TOM1: variants seen among roughly 807,000 people sequenced by gnomAD.
TOM1 encodes target of Myb protein 1.
Under a neutral mutation model 61.3 loss-of-function variants are expected in TOM1, and 38 were observed. That is an observed-to-expected ratio of 0.62 (90% confidence interval 0.48 to 0.81). The LOEUF (loss-of-function observed/expected upper bound fraction) is 0.81, where lower values mean the gene tolerates loss of function less well. TOM1 is among the 40% of genes least tolerant of loss of function. TOM1 has a pLI of 0.00. For synonymous variants in TOM1, 270 were observed against 268.8 expected, an observed-to-expected ratio of 1.00 and a Z score of -0.04; for missense variants, 591 against 659.6, an observed-to-expected ratio of 0.90 and a Z score of 1.14.
At chr22:35,302,271 G>T (rs1925867023) in intron 1 of TOM1, among the ~76,000 whole-genome samples, 1 of 151,556 alleles carries the variant, frequency 6.6e-6, no homozygotes, top group South Asian at 2.1e-4. Flanking sequence ...TGACTCTCCA[G>T]GTCTGCGGTG....
chr22:35,310,209 T>G (rs768164153), intron 1 of TOM1, among the ~76,000 whole-genome samples: 1 of 152,066 alleles, frequency 6.6e-6, no homozygotes, highest in African/African-American at 2.4e-5. Context: ...AGTGGAGTGG[T>G]CACAGGTCCT....
rs1325545103 is a variant in TOM1, at chr22:35,345,385, G to A, written c.1225-340G>A. 12 of 385,496 alleles carry A rather than the reference G, an allele frequency of 3.1e-5. No individual in the cohort carries two copies. The East Asian group carries it at 5.9e-4, about 19-fold the overall frequency. 23.9% of individuals were successfully genotyped at this position (385,496 alleles called of 1,614,324 possible). A position where few individuals can be genotyped will look rare whatever the true frequency, so the allele number is the denominator to read the frequency against. On this transcript the variant is annotated intron_variant, in intron 12 of 14. Transcript: ENST00000449058. Reference sequence around the variant, plus strand: ...GATGCTCCTGAGCACCTGCAGCATAGCCCCTGCCCCAGGCCATTGCCCAAA... The same window carrying A: ...GATGCTCCTGAGCACCTGCAGCATAACCCCTGCCCCAGGCCATTGCCCAAA...
chr22:35,329,913 A>G (rs959531423), intron 7 of TOM1, among the ~76,000 whole-genome samples: 8 of 152,142 alleles, frequency 5.3e-5, no homozygotes, highest in African/African-American at 1.4e-4. Context: ...GTTCCGTGGA[A>G]CCTTGAAGTC....
chr22:35,347,353 C>A lies in TOM1; in HGVS notation c.*144C>A. On this transcript the variant is annotated 3_prime_UTR_variant, in exon 15 of 15. Coordinates refer to ENST00000449058, the MANE Select transcript of TOM1 (RefSeq NM_005488.3). ...CTCCTCTTTGAAGACGGAGCTGCCC[C>A]AGCTGTGGCTGGGGGTGTGGAGGCA... is the stretch of plus-strand genomic sequence containing the variant. 1 of 858,426 alleles carries A rather than the reference C, an allele frequency of 1.2e-6. No homozygotes were observed. The highest frequency in any genetic ancestry group is 1.7e-6 in the Non-Finnish European group (1 of 582,726). 53.2% of individuals were successfully genotyped at this position (858,426 alleles called of 1,614,324 possible).
chr22:35,330,264 A>G, intron 7 of TOM1, 83 bp from the exon 8 acceptor site: 1 of 1,431,682 alleles, frequency 7.0e-7, no homozygotes, highest in Non-Finnish European at 9.4e-7. Context: ...CCTGGGCGAC[A>G]GAGCTCCGTC....
chr22:35,322,895 G>A (rs967214134), intron 3 of TOM1, 133 bp from the exon 4 acceptor site: 1 of 1,058,406 alleles, frequency 9.4e-7, no homozygotes, highest in East Asian at 2.6e-5. Context: ...ACATTCAAGG[G>A]TCTCACTCCA....
chr22:35,346,881 G>A (rs773989875), intron 13 of TOM1, 49 bp from the exon 14 acceptor site: 171 of 1,576,920 alleles, frequency 1.1e-4, no homozygotes, highest in Non-Finnish European at 1.4e-4. Context: ...CAGGCTGACC[G>A]TACTGGGGGC....
At chr22:35,299,667 C>A, upstream of TOM1, 1 of 494,390 alleles carries the variant, frequency 2.0e-6, no homozygotes, top group Non-Finnish European at 3.6e-6. Context: ...TTAAAGAGGA[C>A]CGCGCTTCCC....
intron 11 of TOM1, among the ~76,000 whole-genome samples, chr22:35,336,964 G>A (rs569336033): frequency 9.5e-4 from 143 of 150,254 alleles, no homozygotes; most frequent in Non-Finnish European, 1.6e-3. Flanking sequence ...TTTTTGAGCC[G>A]GAGTCTCGCT....
intron 1 of TOM1, among the ~76,000 whole-genome samples, chr22:35,308,273 CTCTTTTTTTTTTTTTT>C (rs951974613): frequency 2.1e-4 from 29 of 139,476 alleles, no homozygotes; most frequent in Non-Finnish European, 2.9e-4. Context: ...AGTTCCTTTT[CTCTTTTTTTTTTTTTT>C]TCTTTTTTTT....
intron 6 of TOM1, among the ~76,000 whole-genome samples, chr22:35,326,188 A>G (rs182588452): frequency 1.3e-5 from 2 of 152,370 alleles, no homozygotes. Context: ...ATGAATGTAT[A>G]TAGTGACACT....
intron 8 of TOM1, among the ~76,000 whole-genome samples, chr22:35,332,473 T>C (rs138786): frequency 0.59 from 88,891 of 151,850 alleles, 26,128 homozygotes; most frequent in Admixed American, 0.62. Flanking sequence ...GGCCACGACT[T>C]GAACAGACCC....
At chr22:35,314,907 C>G (rs892273937) in intron 1 of TOM1, among the ~76,000 whole-genome samples, 1 of 152,218 alleles carries the variant, frequency 6.6e-6, no homozygotes, top group Non-Finnish European at 1.5e-5. Flanking sequence ...TAATGCACAC[C>G]TTACAGTGTG....
chr22:35,328,993 T>C (rs185830547), intron 7 of TOM1, among the ~76,000 whole-genome samples: 1 of 152,336 alleles, frequency 6.6e-6, no homozygotes, highest in East Asian at 1.9e-4. Flanking sequence ...TCTTGCTCTG[T>C]CACCCAGGCT....
chr22:35,340,923 T>C (rs1423294359), intron 12 of TOM1, among the ~76,000 whole-genome samples: 7 of 152,228 alleles, frequency 4.6e-5, no homozygotes, highest in Admixed American at 4.6e-4. Context: ...GTGGGCCATC[T>C]GGGCCTCTCG....
Position 35,347,340 on chromosome 22 carries a change from G to C in TOM1, c.*131G>C. 1 of 983,264 alleles carries C rather than the reference G, an allele frequency of 1.0e-6. No homozygotes were observed. Among genetic ancestry groups the C allele is most frequent in the Non-Finnish European group, 1.4e-6 (1 of 690,600 alleles). 60.9% of individuals were successfully genotyped at this position (983,264 alleles called of 1,614,324 possible). On this transcript the variant is annotated 3_prime_UTR_variant, in exon 15 of 15. Transcript: ENST00000449058. Reference sequence around the variant, plus strand: ...TTACCCCCTTTTCCTCCTCTTTGAAGACGGAGCTGCCCCAGCTGTGGCTGG... The same window carrying C: ...TTACCCCCTTTTCCTCCTCTTTGAACACGGAGCTGCCCCAGCTGTGGCTGG...
chr22:35,332,210 G>T (rs1019152822), intron 8 of TOM1, among the ~76,000 whole-genome samples: 1 of 152,166 alleles, frequency 6.6e-6, no homozygotes, highest in Admixed American at 6.5e-5. Context: ...GGAATGAAAG[G>T]CCTCTTCCCT....
chr22:35,334,512 G>A (rs992478408), intron 11 of TOM1, 64 bp downstream of exon 11: 89 of 1,593,662 alleles, frequency 5.6e-5, no homozygotes, highest in Admixed American at 2.2e-4. Flanking sequence ...TCTGGAACCC[G>A]GTTTTATGGT....
chr22:35,318,566 G>A (rs555998112), intron 2 of TOM1, among the ~76,000 whole-genome samples: 35 of 152,212 alleles, frequency 2.3e-4, no homozygotes, highest in Admixed American at 2.2e-3. Flanking sequence ...TGGGGTCTTG[G>A]CCTCCAATGT....
Sources: allele counts gnomAD v4.1 joint callset (sites outside exome capture counted in the v4.1 genomes callset), GRCh38; gene constraint gnomAD v4.1.1; transcripts MANE v1.5; gene names NCBI Gene and HGNC (gene_info 2026-07-23, HGNC 2026-07-21).